Variants in LCORL observed in about 807,000 individuals in gnomAD.
LCORL encodes ligand-dependent nuclear receptor corepressor-like protein.
In LCORL, 41 loss-of-function variants were observed where a neutral mutation model predicts 141.8. That is an observed-to-expected ratio of 0.29 (90% confidence interval 0.23 to 0.38). The LOEUF (loss-of-function observed/expected upper bound fraction) is 0.38, where lower values mean the gene tolerates loss of function less well. LCORL is among the 10% of genes least tolerant of loss of function. LCORL has a pLI of 1.00. For missense variants in LCORL, 1,759 were observed against 2,035.0 expected (o/e 0.86, Z 2.61); for synonymous variants, 618 against 694.1 (o/e 0.89, Z 1.72).
At chr4:17,901,752 A>G (rs1730916970) in intron 5 of LCORL, among the ~76,000 whole-genome samples, 1 of 152,136 alleles carries the variant, frequency 6.6e-6, no homozygotes, top group African/African-American at 2.4e-5. Flanking sequence ...AAAGTGAGGA[A>G]ACCCAATCCA....
chr4:17,971,824 C>T (rs1258857019), intron 2 of LCORL, among the ~76,000 whole-genome samples: 1 of 151,296 alleles, frequency 6.6e-6, no homozygotes, highest in Non-Finnish European at 1.5e-5. Flanking sequence ...ACTTTGGGAA[C>T]ATCCTAAAAT....
Position 17,999,013 on chromosome 4 carries a change from T to TAC in LCORL, c.154+22584_154+22585insGT, listed in dbSNP as rs1175197452. 4.1e-3 allele frequency among the ~76,000 whole-genome samples: 161 copies of TAC among 38,806 alleles called. 1 individual carries two copies. Among genetic ancestry groups the TAC allele is most frequent in the African/African-American group, 7.9e-3 (144 of 18,202 alleles). 25.5% of individuals were successfully genotyped at this position (38,806 alleles called of 152,430 possible). A position where few individuals can be genotyped will look rare whatever the true frequency, so the allele number is the denominator to read the frequency against. The stretch of plus-strand genomic sequence containing the variant: ...ATATATATATATATATACACACATA[T>TAC]ATATATATATATATATAGTATAGTA... On this transcript the variant is annotated intron_variant, in intron 1 of 7. Coordinates refer to ENST00000635767, the Ensembl canonical transcript of LCORL.
At chr4:17,977,850 G>C (rs1717264076) in intron 1 of LCORL, among the ~76,000 whole-genome samples, 1 of 152,068 alleles carries the variant, frequency 6.6e-6, no homozygotes. Flanking sequence ...GGATGCAAAG[G>C]CTTTCTCCTA....
intron 4 of LCORL, among the ~76,000 whole-genome samples, chr4:17,932,277 T>A (rs1416323014): frequency 6.6e-6 from 1 of 152,182 alleles, no homozygotes; most frequent in Non-Finnish European, 1.5e-5. Context: ...ATGACTCATA[T>A]ATTAGTGTCA....
chr4:17,991,177 T>C (rs1293719701), intron 1 of LCORL, among the ~76,000 whole-genome samples: 1 of 152,190 alleles, frequency 6.6e-6, no homozygotes, highest in Non-Finnish European at 1.5e-5. Context: ...ACCTCTCTCA[T>C]CACTAGTTAA....
At chr4:17,961,833 T>C (rs781108396) in intron 4 of LCORL, 70 bp downstream of exon 4, 5 of 1,393,226 alleles carry the variant, frequency 3.6e-6, no homozygotes, top group Non-Finnish European at 2.9e-6. Flanking sequence ...TAAAAAACTT[T>C]TGTGTAAAAA....
At chr4:17,863,779 T>C (rs1010696099) in intron 7 of LCORL, among the ~76,000 whole-genome samples, 6 of 151,952 alleles carry the variant, frequency 3.9e-5, no homozygotes. Flanking sequence ...GTAAAGAAAA[T>C]ATGGTACATA....
intron 5 of LCORL, among the ~76,000 whole-genome samples, chr4:17,887,256 T>C (rs1013075368): frequency 6.6e-6 from 1 of 152,000 alleles, no homozygotes; most frequent in African/African-American, 2.4e-5. Flanking sequence ...AAGTACCTAT[T>C]GTCATAGTCA....
At chr4:17,926,900 AAGT>A (rs1480051916) in intron 4 of LCORL, among the ~76,000 whole-genome samples, 3 of 152,244 alleles carry the variant, frequency 2.0e-5, no homozygotes, top group African/African-American at 7.2e-5. Flanking sequence ...CACTGGCTTC[AAGT>A]TAAAGCCATA....
At chr4:17,990,601 A>G (rs1719820030) in intron 1 of LCORL, among the ~76,000 whole-genome samples, 1 of 150,652 alleles carries the variant, frequency 6.6e-6, no homozygotes, top group Non-Finnish European at 1.5e-5. Flanking sequence ...TTCATTATTA[A>G]TGACAGTGGC....
At chr4:18,015,309 A>G (rs1724472559) in intron 1 of LCORL, among the ~76,000 whole-genome samples, 1 of 152,198 alleles carries the variant, frequency 6.6e-6, no homozygotes, top group Non-Finnish European at 1.5e-5. Context: ...CACAAAAAAG[A>G]CTGGTTAAGA....
At chr4:17,980,713 C>A (rs980292018) in intron 1 of LCORL, among the ~76,000 whole-genome samples, 1 of 152,170 alleles carries the variant, frequency 6.6e-6, no homozygotes, top group Non-Finnish European at 1.5e-5. Flanking sequence ...GGGCCATGGA[C>A]CAGTACCAGT....
At chr4:17,931,973 C>G (rs1736115062) in intron 4 of LCORL, among the ~76,000 whole-genome samples, 1 of 152,086 alleles carries the variant, frequency 6.6e-6, no homozygotes, top group Non-Finnish European at 1.5e-5. Context: ...TTATCTGGTA[C>G]ACAGATACTA....
chr4:17,847,932 A>G (rs1259511663), intron 7 of LCORL, among the ~76,000 whole-genome samples: 1 of 152,256 alleles, frequency 6.6e-6, no homozygotes, highest in Non-Finnish European at 1.5e-5. Flanking sequence ...ACTCCAAAAA[A>G]TAAAATGAAG....
exon 8 of LCORL, chr4:17,842,477 A>AT: frequency 1.1e-6 from 1 of 925,084 alleles, no homozygotes; most frequent in Non-Finnish European, 1.7e-6. Flanking sequence ...GAGAGAATAT[A>AT]TAACAAGATA....
At chr4:17,955,161 G>C (rs545288435) in intron 4 of LCORL, among the ~76,000 whole-genome samples, 1 of 152,206 alleles carries the variant, frequency 6.6e-6, no homozygotes, top group South Asian at 2.1e-4. Flanking sequence ...TCATGTGAAA[G>C]AAGCAATCTG....
intron 4 of LCORL, among the ~76,000 whole-genome samples, chr4:17,923,670 A>T (rs896247426): frequency 1.3e-5 from 2 of 152,052 alleles, no homozygotes; most frequent in African/African-American, 4.8e-5. Flanking sequence ...CCCCAAAAAA[A>T]GATGGCCCTC....
chr4:17,865,743 T>C (rs1389255280), intron 7 of LCORL, among the ~76,000 whole-genome samples: 2 of 152,174 alleles, frequency 1.3e-5, no homozygotes, highest in Non-Finnish European at 2.9e-5. Context: ...AGCATAAGTA[T>C]CACTTGGGCC....
chr4:17,845,927 T>TA (rs1482128658), intron 7 of LCORL, 26 bp from the exon 8 acceptor site: 11 of 1,558,300 alleles, frequency 7.1e-6, no homozygotes, highest in Non-Finnish European at 9.6e-6. Context: ...TAAGGCATTT[T>TA]AGTTTTACTT....
Sources: gnomAD v4.1 joint callset for allele counts (sites outside exome capture counted in the v4.1 genomes callset) on GRCh38, gnomAD v4.1.1 for gene constraint, MANE v1.5 for transcripts, NCBI Gene and HGNC (gene_info 2026-07-23, HGNC 2026-07-21) for gene names.